Variants in CCND3 observed in about 807,000 individuals in gnomAD.
CCND3 encodes G1/S-specific cyclin-D3.
Under a neutral mutation model 28.7 loss-of-function variants are expected in CCND3, and 9 were observed. The ratio of observed to expected loss-of-function variants is 0.31; its 90% CI spans 0.19 to 0.55. The LOEUF (loss-of-function observed/expected upper bound fraction) is 0.55. Among genes scored for constraint, CCND3 ranks in the 20% least tolerant of loss-of-function variants. The probability of loss-of-function intolerance (pLI) is 0.93; values close to 1 mark genes in which losing one functional copy is unlikely to be tolerated. For missense variants in CCND3, 315 were observed against 385.8 expected (o/e 0.82, Z 1.54); for synonymous variants, 164 against 163.9 (o/e 1.00, Z 0.00).
intron 1 of CCND3, among the ~76,000 whole-genome samples, chr6:42,009,406 G>T (rs1178466061): frequency 6.6e-6 from 1 of 152,228 alleles, no homozygotes; most frequent in African/African-American, 2.4e-5. Flanking sequence ...GAGGTCAGGA[G>T]TTCAAGACCA....
chr6:41,995,415 A>T (rs989471442), intron 1 of CCND3, among the ~76,000 whole-genome samples: 4 of 151,834 alleles, frequency 2.6e-5, no homozygotes, highest in Non-Finnish European at 5.9e-5. Context: ...CCACCACCAC[A>T]CCCGGCTAAT....
At chr6:41,966,462 C>G (rs1381976051) in intron 1 of CCND3, among the ~76,000 whole-genome samples, 1 of 152,076 alleles carries the variant, frequency 6.6e-6, no homozygotes, top group Non-Finnish European at 1.5e-5. Context: ...ACTCCCAGAA[C>G]TGAAAATCAG....
At chr6:42,003,291 C>T (rs990405091) in intron 1 of CCND3, among the ~76,000 whole-genome samples, 1 of 151,070 alleles carries the variant, frequency 6.6e-6, no homozygotes, top group South Asian at 2.1e-4. Flanking sequence ...TTTGGGAAGC[C>T]GAGACAGGTG....
chr6:41,974,108 G>C (rs528196617), intron 1 of CCND3, among the ~76,000 whole-genome samples: 3 of 152,154 alleles, frequency 2.0e-5, no homozygotes, highest in African/African-American at 4.8e-5. Context: ...GCTTGAACCC[G>C]GGAGGTGGAG....
chr6:41,997,211 G>A (rs1762833976), intron 1 of CCND3, among the ~76,000 whole-genome samples: 1 of 152,154 alleles, frequency 6.6e-6, no homozygotes, highest in Non-Finnish European at 1.5e-5. Flanking sequence ...GGACTCAAAG[G>A]GCAGCGCATT....
At chr6:41,969,515 CA>C (rs202114696) in intron 1 of CCND3, among the ~76,000 whole-genome samples, 14 of 148,112 alleles carry the variant, frequency 9.5e-5, no homozygotes, top group South Asian at 2.2e-4. Flanking sequence ...GACTCGGACT[CA>C]AAAAAAAACA....
intron 1 of CCND3, among the ~76,000 whole-genome samples, chr6:42,023,434 G>C (rs1193300744): frequency 6.6e-6 from 1 of 152,152 alleles, no homozygotes; most frequent in African/African-American, 2.4e-5. Flanking sequence ...ATTCAATAAG[G>C]TGTCTTCAAA....
chr6:41,936,392 T>C lies in CCND3; in HGVS notation c.711+167A>G. 1.2e-6 allele frequency: 1 copy of C among 807,140 alleles called. No individual in the cohort carries two copies. The highest frequency in any genetic ancestry group is 2.6e-5 in the East Asian group (1 of 38,446). The allele number at this position is 807,140 out of a possible 1,614,324, so 50.0% of individuals were successfully genotyped here. A position where few individuals can be genotyped will look rare whatever the true frequency, so the allele number is the denominator to read the frequency against. On this transcript the variant is annotated intron_variant, in intron 4 of 4. Coordinates refer to ENST00000372991, the MANE Select transcript of CCND3 (RefSeq NM_001760.5). This position sits in a 1 kb window ranked among gnomAD's most constrained non-coding sequence, Gnocchi z 4.4. ...GTGCCCTTCACCCCACCCAAGATAC[T>C]TGCTCTTCCCCAGACCAAGGCAGGA...
chr6:42,023,062 T>C (rs1763758453), intron 1 of CCND3, among the ~76,000 whole-genome samples: 1 of 152,230 alleles, frequency 6.6e-6, no homozygotes, highest in African/African-American at 2.4e-5. Context: ...CCGAAATCAA[T>C]ACTTGAGGTG....
intron 1 of CCND3, among the ~76,000 whole-genome samples, chr6:41,980,199 A>G (rs917754379): frequency 1.3e-5 from 2 of 150,986 alleles, no homozygotes; most frequent in Non-Finnish European, 2.9e-5. Context: ...GCAGTGGCAC[A>G]ATCTTGGCTC....
chr6:41,942,354 T>C (rs771059639), upstream of CCND3, among the ~76,000 whole-genome samples: 4 of 152,208 alleles, frequency 2.6e-5, no homozygotes, highest in Admixed American at 2.0e-4. Flanking sequence ...CTAGTTAAAC[T>C]GTGATCCCAG....
chr6:42,037,331 T>C (rs1332286747), intron 1 of CCND3, among the ~76,000 whole-genome samples: 2 of 147,836 alleles, frequency 1.4e-5, no homozygotes, highest in African/African-American at 2.5e-5. Context: ...TCTGACTCCC[T>C]GGTTCAAGCG....
chr6:42,048,634 C>A lies in CCND3; in HGVS notation c.-179G>T, dbSNP rs763531309. 5.8e-6 allele frequency: 3 copies of A among 518,138 alleles called. No homozygotes were observed. The highest frequency in any genetic ancestry group is 1.2e-5 in the Non-Finnish European group (3 of 259,618). 32.1% of individuals were successfully genotyped at this position (518,138 alleles called of 1,614,324 possible). On this transcript the variant is annotated 5_prime_UTR_variant, in exon 1 of 5. Transcript: ENST00000372988. The surrounding 1 kb of genome is among the most constrained non-coding windows in gnomAD (Gnocchi z 4.7). ...GCGAGGAGAGGATTGCACCTCTCCC[C>A]CCCGGCCGGCATCCGAACAGAGCCA...
intron 1 of CCND3, among the ~76,000 whole-genome samples, chr6:41,953,291 C>A (rs1188614984): frequency 6.8e-6 from 1 of 147,284 alleles, no homozygotes; most frequent in African/African-American, 2.5e-5. Context: ...AGGTGCAAAA[C>A]ATTGAGTCTG....
In CCND3 at chr6:41,939,201, A is replaced by C. The variant is rs557568709; in HGVS notation, c.414+1169T>G. Reference sequence around the variant, plus strand: ...TCCCATCTCTGAGCTACTTGGCAGGAAGAGGAATCCTGTTCCTCGACTCAC... The same window carrying C: ...TCCCATCTCTGAGCTACTTGGCAGGCAGAGGAATCCTGTTCCTCGACTCAC... On this transcript the variant is annotated intron_variant, in intron 2 of 4. Transcript: ENST00000372991. This position sits in a 1 kb window ranked among gnomAD's most constrained non-coding sequence, Gnocchi z 4.2. Among the ~76,000 whole-genome samples the C allele has an allele frequency of 8.5e-5, 13 of 152,176 alleles. No individual in the cohort carries two copies. The highest frequency in any genetic ancestry group is 3.1e-4 in the African/African-American group (13 of 41,522).
chr6:41,993,719 T>C (rs1024617958), intron 1 of CCND3, among the ~76,000 whole-genome samples: 2 of 151,802 alleles, frequency 1.3e-5, no homozygotes, highest in Non-Finnish European at 2.9e-5. Context: ...GGTCAGGAGT[T>C]TGAGACCAGC....
At chr6:41,968,930 T>C (rs1486568649) in intron 1 of CCND3, among the ~76,000 whole-genome samples, 1 of 151,974 alleles carries the variant, frequency 6.6e-6, no homozygotes, top group Non-Finnish European at 1.5e-5. Flanking sequence ...CTCAGCCTCC[T>C]GAGTAGCTGG....
chr6:41,960,244 G>A (rs1761684081), intron 1 of CCND3, among the ~76,000 whole-genome samples: 1 of 152,184 alleles, frequency 6.6e-6, no homozygotes, highest in Non-Finnish European at 1.5e-5. Context: ...TGGTGATAAT[G>A]GAGAGTGACT....
At position 41,972,775 on chromosome 6, in the gene CCND3, G is replaced by A. The variant is rs567968777; in HGVS notation, c.-45-32190C>T. ...CTCATGGCTGTAATCCTAGCCCTTT[G>A]GAAGGCTGAGATGGGAGGATCGCTT... On this transcript the variant is annotated intron_variant, in intron 1 of 4. Coordinates refer to the CCND3 transcript ENST00000372988. Among the ~76,000 whole-genome samples the A allele has an allele frequency of 5.3e-5, 8 of 151,898 alleles. No individual in the cohort carries two copies. In the East Asian group the frequency reaches 1.5e-3, roughly 29 times the overall value.
Sources: gnomAD v4.1 joint callset for allele counts (sites outside exome capture counted in the v4.1 genomes callset) on GRCh38, gnomAD v4.1.1 for gene constraint, Gnocchi (gnomAD v3.1) non-coding constraint, MANE v1.5 for transcripts, NCBI Gene and HGNC (gene_info 2026-07-23, HGNC 2026-07-21) for gene names.